Variants in NEB observed in about 807,000 individuals in gnomAD.
NEB encodes nebulin.
Under a neutral mutation model 952.2 loss-of-function variants are expected in NEB, and 512 were observed. The observed-to-expected ratio is 0.54, with a 90% CI of 0.50 to 0.58. The LOEUF is 0.58. Among genes scored for constraint, NEB ranks in the 20% least tolerant of loss-of-function variants. NEB has a pLI of 0.00. For synonymous variants in NEB, 2,900 were observed against 3,149.8 expected, an observed-to-expected ratio of 0.92 and a Z score of 2.66; for missense variants, 8,428 against 9,231.1, an observed-to-expected ratio of 0.91 and a Z score of 3.56.
intron 24 of NEB, among the ~76,000 whole-genome samples, chr2:151,688,786 T>C (rs2099522786): frequency 6.6e-6 from 1 of 152,224 alleles, no homozygotes. Flanking sequence ...GTTATGTGGA[T>C]GTGGTTTCTG....
chr2:151,487,224 C>T (rs750041475), intron 181 of NEB, among the ~76,000 whole-genome samples: 5 of 152,054 alleles, frequency 3.3e-5, no homozygotes, highest in South Asian at 2.1e-4. Flanking sequence ...TGGGAGCATA[C>T]GAGTAGTAAA....
intron 20 of NEB, among the ~76,000 whole-genome samples, chr2:151,693,454 A>C: frequency 7.4e-6 from 1 of 135,778 alleles, no homozygotes; most frequent in East Asian, 2.1e-4. Context: ...TGTGTGTTGC[A>C]CCCCCCATGT....
chr2:151,554,677 A>G (rs187747572), intron 125 of NEB, among the ~76,000 whole-genome samples: 64 of 152,342 alleles, frequency 4.2e-4, no homozygotes, highest in African/African-American at 1.5e-3. Context: ...TTCAGTCAAA[A>G]GATTATAATG....
intron 68 of NEB, 113 bp downstream of exon 68, chr2:151,629,426 T>C (rs1574351615): frequency 1.1e-6 from 1 of 913,292 alleles, no homozygotes; most frequent in African/African-American, 1.7e-5. Flanking sequence ...GAATTTGATT[T>C]AGAAAAACAA....
chr2:151,710,649 T>G (rs1172649171), intron 10 of NEB, 111 bp from the exon 11 acceptor site: 6 of 639,150 alleles, frequency 9.4e-6, no homozygotes, highest in Non-Finnish European at 7.6e-6. Flanking sequence ...CAAGCCATTC[T>G]TAGGTCCTTA....
intron 77 of NEB, among the ~76,000 whole-genome samples, chr2:151,613,089 CTCTT>C (rs1184179034): frequency 6.6e-6 from 1 of 152,046 alleles, no homozygotes; most frequent in Non-Finnish European, 1.5e-5. Context: ...CAGGGAATCT[CTCTT>C]TTTTTAACTG....
intron 72 of NEB, among the ~76,000 whole-genome samples, chr2:151,620,372 T>A (rs1021304582): frequency 1.2e-5 from 1 of 80,928 alleles, no homozygotes; most frequent in Non-Finnish European, 2.8e-5. Flanking sequence ...TATATATATA[T>A]ATATATATAT....
chr2:151,733,054 A>G, intron 3 of NEB, 67 bp downstream of exon 3: 2 of 1,408,136 alleles, frequency 1.4e-6, no homozygotes, highest in Non-Finnish European at 2.0e-6. Context: ...TGATTAATTC[A>G]CCTACACAGC....
chr2:151,725,973 T>C (rs2099789361), intron 5 of NEB, among the ~76,000 whole-genome samples: 1 of 152,236 alleles, frequency 6.6e-6, no homozygotes, highest in Non-Finnish European at 1.5e-5. Context: ...ACTTCAGTAG[T>C]TCAGATAGCT....
intron 3 of NEB, among the ~76,000 whole-genome samples, chr2:151,729,950 A>C (rs1238247020): frequency 2.6e-5 from 4 of 152,162 alleles, no homozygotes; most frequent in Non-Finnish European, 5.9e-5. Flanking sequence ...GGGACATGGA[A>C]ATTTTTTTCT....
chr2:151,616,370 G>T (rs966154558), intron 75 of NEB, among the ~76,000 whole-genome samples: 1 of 151,958 alleles, frequency 6.6e-6, no homozygotes, highest in Non-Finnish European at 1.5e-5. Context: ...AATTTTATTT[G>T]CCAAACAAGC....
Position 151,677,615 on chromosome 2 carries a change from C to T in NEB, c.3724G>A (p.Asp1242Asn). Reference protein sequence around the residue: ...PDTLKFTSIVDSPVMVQAKQN... With the variant: ...PDTLKFTSIVNSPVMVQAKQN... ...TTTGCCTGGACCATAACTGGGGAGT[C>T]CACAATGCTGGTAAATTTGAGGGTG... is the stretch of plus-strand genomic sequence containing the variant. The change falls in exon 34 of 182, where the codon GAC becomes AAC. Residue 1242 changes from aspartate to asparagine, a missense_variant. Coordinates refer to ENST00000397345, the MANE Select transcript of NEB (RefSeq NM_001164508.2). The T allele has an allele frequency of 6.2e-7, 1 of 1,613,908 alleles. No individual in the cohort carries two copies. Among genetic ancestry groups the T allele is most frequent in the Non-Finnish European group, 8.5e-7 (1 of 1,179,854 alleles).
intron 48 of NEB, among the ~76,000 whole-genome samples, chr2:151,657,730 G>A (rs980182851): frequency 3.3e-5 from 5 of 152,166 alleles, no homozygotes; most frequent in African/African-American, 9.7e-5. Flanking sequence ...CATAGCCTTG[G>A]TGACAGATTC....
Position 151,497,819 on chromosome 2 carries a change from G to T in NEB, c.24208-101C>A. The T allele has an allele frequency of 3.9e-6, 6 of 1,533,578 alleles. No individual in the cohort carries two copies. In the South Asian group the frequency reaches 7.5e-5, roughly 19 times the overall value. 95.0% of individuals were successfully genotyped at this position (1,533,578 alleles called of 1,614,324 possible). A position where few individuals can be genotyped will look rare whatever the true frequency, so the allele number is the denominator to read the frequency against. On this transcript the variant is annotated intron_variant, in intron 170 of 181. Coordinates refer to ENST00000397345, the MANE Select transcript of NEB (RefSeq NM_001164508.2). ...AAAAACACAGTCATCCAAGGAGCCA[G>T]AAGTTATATGCTGACAAAATGCCAC...
chr2:151,675,585 G>A (rs2154200217), intron 34 of NEB, among the ~76,000 whole-genome samples, 194 bp from the exon 35 acceptor site: 1 of 152,132 alleles, frequency 6.6e-6, no homozygotes, highest in Middle Eastern at 3.4e-3. Flanking sequence ...AAAATAGAAG[G>A]AGAAAAAATC....
Position 151,512,723 on chromosome 2 carries a change from A to G in NEB, c.23346+10T>C, listed in dbSNP as rs2153272094. ...GGGTTTATGAGTGATGGCATGACGA[A>G]TGTCCTTACCTGGCTTGAAAGATTC... On this transcript the variant is annotated intron_variant, in intron 161 of 181. Coordinates refer to ENST00000397345, the MANE Select transcript of NEB (RefSeq NM_001164508.2). The G allele has an allele frequency of 1.9e-6, 3 of 1,597,566 alleles. No individual in the cohort carries two copies. The highest frequency in any genetic ancestry group is 2.6e-6 in the Non-Finnish European group (3 of 1,165,162).
intron 109 of NEB, 86 bp downstream of exon 109, chr2:151,569,995 G>A: frequency 7.6e-7 from 1 of 1,309,074 alleles, no homozygotes; most frequent in African/African-American, 1.5e-5. Context: ...GTCGTAAAAT[G>A]ATGACAGAAG....
chr2:151,637,099 A>G (rs1308902529), intron 63 of NEB, among the ~76,000 whole-genome samples: 2 of 152,014 alleles, frequency 1.3e-5, no homozygotes, highest in African/African-American at 4.8e-5. Flanking sequence ...TGAGGTTGAG[A>G]CCCCTCTCAA....
intron 75 of NEB, among the ~76,000 whole-genome samples, chr2:151,616,744 A>G (rs553463857): frequency 6.6e-6 from 1 of 152,358 alleles, no homozygotes; most frequent in Admixed American, 6.5e-5. Context: ...ATCATAATAT[A>G]AAAGACACAG....
Sources: gnomAD v4.1 joint callset for allele counts (sites outside exome capture counted in the v4.1 genomes callset) on GRCh38, gnomAD v4.1.1 for gene constraint, MANE v1.5 for transcripts, NCBI Gene and HGNC (gene_info 2026-07-23, HGNC 2026-07-21) for gene names.